Variants in COMMD1 observed in about 807,000 individuals in gnomAD.
COMMD1 encodes the protein copper metabolism domain containing 1.
COMMD1 carries 10 observed loss-of-function variants against 17.2 expected under a neutral mutation model. That is an observed-to-expected ratio of 0.58 (90% CI 0.36 to 0.99). The LOEUF is 0.99. COMMD1 is among the 50% of genes least tolerant of loss of function. COMMD1 has a pLI of 0.01. For missense variants in COMMD1, 270 were observed against 231.8 expected (o/e 1.17, Z -1.07); for synonymous variants, 97 against 91.6 (o/e 1.06, Z -0.34).
chr2:62,111,219 A>G (rs1051823594), intron 2 of COMMD1, among the ~76,000 whole-genome samples: 1 of 152,180 alleles, frequency 6.6e-6, no homozygotes, highest in African/African-American at 2.4e-5. Context: ...GTAAAGGTGG[A>G]AAAAGTATAA....
intron 1 of COMMD1, among the ~76,000 whole-genome samples, chr2:61,921,162 G>A (rs1379148997): frequency 4.0e-5 from 6 of 151,676 alleles, no homozygotes; most frequent in Admixed American, 2.0e-4. Context: ...TAGAGACAAG[G>A]TTTTACCATA....
intron 2 of COMMD1, among the ~76,000 whole-genome samples, chr2:62,015,148 C>G (rs1669401095): frequency 6.6e-6 from 1 of 152,168 alleles, no homozygotes; most frequent in African/African-American, 2.4e-5. Flanking sequence ...AAATCCCAAA[C>G]AGAAATTCAG....
chr2:61,974,716 T>A (rs887933326), intron 1 of COMMD1, among the ~76,000 whole-genome samples: 3 of 152,088 alleles, frequency 2.0e-5, no homozygotes, highest in East Asian at 3.9e-4. Flanking sequence ...GGATATTTTT[T>A]AGAGCAATTT....
intron 2 of COMMD1, chr2:62,100,242 AG>A (rs1299881750): frequency 1.3e-5 from 2 of 152,204 alleles, no homozygotes; most frequent in African/African-American, 2.4e-5. Flanking sequence ...GGCCCCTGCT[AG>A]TACCTTAGCT....
At chr2:62,091,458 A>T (rs1671826827) in intron 2 of COMMD1, among the ~76,000 whole-genome samples, 1 of 152,212 alleles carries the variant, frequency 6.6e-6, no homozygotes, top group African/African-American at 2.4e-5. Flanking sequence ...TTGTATACTG[A>T]TGGCATTTGT....
rs115607312 is a variant in COMMD1 at position 62,037,977 on chromosome 2, T to C, written c.462+36995T>C. Among the ~76,000 whole-genome samples, 1,028 of 152,228 alleles carry C rather than the reference T, an allele frequency of 6.8e-3. 13 individuals are homozygous for C. The highest frequency in any genetic ancestry group is 0.023 in the African/African-American group (969 of 41,562). ...TCGGTCTGCCTCACAGAGTTGTCCT[T>C]GGATAGTGGTCTTAAAAACTGGTGA... On this transcript the variant is annotated intron_variant, in intron 2 of 2. Coordinates refer to ENST00000311832, the MANE Select transcript of COMMD1 (RefSeq NM_152516.4).
At chr2:62,121,884 C>T (rs369774861) in intron 2 of COMMD1, among the ~76,000 whole-genome samples, 113 of 152,260 alleles carry the variant, frequency 7.4e-4, no homozygotes, top group East Asian at 6.0e-3. Context: ...CTCTATCTCC[C>T]GGGCTCAGGT....
intron 1 of COMMD1, among the ~76,000 whole-genome samples, chr2:61,934,644 A>G (rs1670557388): frequency 6.6e-6 from 1 of 152,228 alleles, no homozygotes; most frequent in African/African-American, 2.4e-5. Context: ...CTGTCATGAA[A>G]ACAAAACAGA....
At chr2:61,985,097 C>T (rs1295200165) in intron 1 of COMMD1, among the ~76,000 whole-genome samples, 1 of 149,382 alleles carries the variant, frequency 6.7e-6, no homozygotes, top group African/African-American at 2.5e-5. Context: ...GTCGCCCAGG[C>T]TGGAGTGCGG....
chr2:61,927,542 G>A lies in COMMD1; in HGVS notation c.180+21684G>A, dbSNP rs554197114. 2.0e-4 allele frequency among the ~76,000 whole-genome samples: 30 copies of A among 151,988 alleles called. 1 individual carries two copies. The South Asian group carries it at 5.6e-3, about 28-fold the overall frequency. ...CGAGTAGCTGGGACTACAGATGCCC[G>A]CCCGCCACCATGCCCGGCTAATTTT... On this transcript the variant is annotated intron_variant, in intron 1 of 2. Coordinates refer to ENST00000311832, the MANE Select transcript of COMMD1 (RefSeq NM_152516.4).
rs530253301 is a variant in COMMD1 at position 62,047,153 on chromosome 2, C to T, written c.462+46171C>T. Among the ~76,000 whole-genome samples, 9 of 152,258 alleles carry T rather than the reference C, an allele frequency of 5.9e-5. No homozygotes were observed. In the South Asian group the frequency reaches 1.7e-3, roughly 28 times the overall value. On this transcript the variant is annotated intron_variant, in intron 2 of 2. Transcript: ENST00000311832. ...GCTAGTACTTTACAATTTATGAGCA[C>T]TTTTCTCATACACAGTCATGTATCC... is the stretch of plus-strand genomic sequence containing the variant.
Position 61,966,885 on chromosome 2 carries a change from A to T in COMMD1, c.181-33816A>T, listed in dbSNP as rs1399871763. Among the ~76,000 whole-genome samples, 3 of 152,254 alleles carry T rather than the reference A, an allele frequency of 2.0e-5. No homozygotes were observed. The East Asian group carries it at 5.8e-4, about 30-fold the overall frequency. ...AAATAATAAGGCTTCTATTTATCTA[A>T]GAAGACCCGGGCATACACAACAGTG... On this transcript the variant is annotated intron_variant, in intron 1 of 2. Coordinates refer to ENST00000311832, the MANE Select transcript of COMMD1 (RefSeq NM_152516.4).
At chr2:61,909,089 A>T (rs1480786074) in intron 1 of COMMD1, among the ~76,000 whole-genome samples, 1 of 151,668 alleles carries the variant, frequency 6.6e-6, no homozygotes, top group Non-Finnish European at 1.5e-5. Flanking sequence ...CCACCACACC[A>T]GGCTAATTTT....
chr2:61,986,757 C>G (rs957525861), intron 1 of COMMD1, among the ~76,000 whole-genome samples: 4 of 151,624 alleles, frequency 2.6e-5, no homozygotes, highest in Admixed American at 2.6e-4. Context: ...TTATTAGAGA[C>G]CAGGTTTTGC....
intron 2 of COMMD1, among the ~76,000 whole-genome samples, chr2:62,127,745 C>T (rs757042189): frequency 8.5e-5 from 13 of 152,240 alleles, no homozygotes; most frequent in Admixed American, 2.6e-4. Flanking sequence ...GCCAGGGGGC[C>T]GGGCGTAGTG....
At chr2:62,128,529 T>C (rs1672944721) in intron 2 of COMMD1, among the ~76,000 whole-genome samples, 1 of 152,026 alleles carries the variant, frequency 6.6e-6, no homozygotes, top group African/African-American at 2.4e-5. Context: ...AAAGAGCAAA[T>C]TCTTAATGAA....
chr2:62,089,933 G>T (rs1340093848), intron 2 of COMMD1, among the ~76,000 whole-genome samples: 1 of 146,862 alleles, frequency 6.8e-6, no homozygotes, highest in Non-Finnish European at 1.5e-5. Context: ...ATTTGGCAAG[G>T]TCCCACAGCA....
chr2:61,987,380 G>C (rs1672133121), intron 1 of COMMD1, among the ~76,000 whole-genome samples: 1 of 152,184 alleles, frequency 6.6e-6, no homozygotes, highest in African/African-American at 2.4e-5. Context: ...TGTGATCTAA[G>C]TTGTATCTGC....
chr2:62,124,516 GTTATT>G (rs955652685), intron 2 of COMMD1, among the ~76,000 whole-genome samples: 2 of 152,084 alleles, frequency 1.3e-5, no homozygotes, highest in African/African-American at 2.4e-5. Context: ...AAGATCTGAT[GTTATT>G]TTATTTTAAA....
Sources: allele counts gnomAD v4.1 joint callset (sites outside exome capture counted in the v4.1 genomes callset), GRCh38; gene constraint gnomAD v4.1.1; transcripts MANE v1.5; gene names NCBI Gene and HGNC (gene_info 2026-07-23, HGNC 2026-07-21).